The following IL20RB variants were observed in gnomAD, a reference collection of about 807,000 sequenced individuals.
IL20RB encodes the protein interleukin 20 receptor subunit beta.
In IL20RB, 21 loss-of-function variants were observed where a neutral mutation model predicts 33.3. The ratio of observed to expected loss-of-function variants is 0.63; its 90% confidence interval spans 0.45 to 0.91. IL20RB has a LOEUF of 0.91. Among genes scored for constraint, IL20RB ranks in the 40% least tolerant of loss-of-function variants. The pLI is 0.00. For synonymous variants in IL20RB, 147 were observed against 146.8 expected (o/e 1.00, Z -0.01); for missense variants, 345 against 384.8 (o/e 0.90, Z 0.86).
At chr3:136,987,081 C>G (rs1175456895) in intron 3 of IL20RB, among the ~76,000 whole-genome samples, 1 of 152,120 alleles carries the variant, frequency 6.6e-6, no homozygotes, top group East Asian at 1.9e-4. Flanking sequence ...AGATTTATTG[C>G]AAAGAGCGAA....
intron 1 of IL20RB, among the ~76,000 whole-genome samples, chr3:136,970,009 T>G (rs1941430247): frequency 6.6e-6 from 1 of 152,052 alleles, no homozygotes; most frequent in South Asian, 2.1e-4. Flanking sequence ...AGGTTTAGAT[T>G]GAGGTTTTGT....
chr3:136,977,946 A>T (rs1577017981), intron 1 of IL20RB, among the ~76,000 whole-genome samples: 1 of 151,984 alleles, frequency 6.6e-6, no homozygotes, highest in East Asian at 1.9e-4. Flanking sequence ...TCTTTTACTT[A>T]TTTTGCTTGC....
chr3:136,972,398 T>C (rs1191536844), intron 1 of IL20RB, among the ~76,000 whole-genome samples: 1 of 152,214 alleles, frequency 6.6e-6, no homozygotes, highest in Non-Finnish European at 1.5e-5. Flanking sequence ...TTCTTCTTTG[T>C]ATGTTTGGTA....
intron 6 of IL20RB, among the ~76,000 whole-genome samples, chr3:136,995,926 G>A (rs1189318911): frequency 6.6e-6 from 1 of 152,118 alleles, no homozygotes; most frequent in African/African-American, 2.4e-5. Context: ...TGTAACAGCA[G>A]CTACACCCAA....
At chr3:136,976,587 C>T (rs192328897) in intron 1 of IL20RB, among the ~76,000 whole-genome samples, 8 of 152,298 alleles carry the variant, frequency 5.3e-5, no homozygotes, top group African/African-American at 1.2e-4. Flanking sequence ...GTCTCAGCCC[C>T]GGCAGCACTC....
chr3:136,963,677 CTT>C (rs1246638077), intron 1 of IL20RB, among the ~76,000 whole-genome samples: 158 of 77,816 alleles, frequency 2.0e-3, no homozygotes, highest in Admixed American at 3.2e-3. Flanking sequence ...GATACTAGTT[CTT>C]TTTTTTTTTT....
At chr3:136,970,250 C>T (rs1158713450) in intron 1 of IL20RB, among the ~76,000 whole-genome samples, 1 of 151,938 alleles carries the variant, frequency 6.6e-6, no homozygotes, top group Non-Finnish European at 1.5e-5. Context: ...GAGACCACCA[C>T]CCCTGGCTAA....
At chr3:136,996,033 G>T (rs1380038023) in intron 6 of IL20RB, among the ~76,000 whole-genome samples, 1 of 152,194 alleles carries the variant, frequency 6.6e-6, no homozygotes, top group African/African-American at 2.4e-5. Context: ...ACTGTGTTTT[G>T]ATTTTGGTGG....
intron 3 of IL20RB, among the ~76,000 whole-genome samples, chr3:136,986,261 A>C (rs1941897099): frequency 4.4e-5 from 2 of 45,546 alleles, no homozygotes; most frequent in Non-Finnish European, 8.7e-5. Flanking sequence ...ATAAATAAAA[A>C]TAAAACAGGA....
At chr3:136,979,826 G>T (rs937253260) in intron 1 of IL20RB, among the ~76,000 whole-genome samples, 11 of 152,176 alleles carry the variant, frequency 7.2e-5, no homozygotes, top group Non-Finnish European at 1.5e-4. Flanking sequence ...CCTTGTTGAG[G>T]GACATGAAAC....
At chr3:136,987,488 C>T (rs933712683) in intron 3 of IL20RB, among the ~76,000 whole-genome samples, 6 of 152,340 alleles carry the variant, frequency 3.9e-5, no homozygotes, top group Non-Finnish European at 4.4e-5. Flanking sequence ...AAAGATTCTC[C>T]AAGGCCCCAC....
chr3:136,983,532 A>AGAT (rs1941832318), intron 3 of IL20RB, among the ~76,000 whole-genome samples: 1 of 152,208 alleles, frequency 6.6e-6, no homozygotes, highest in South Asian at 2.1e-4. Context: ...GATGGGAAGG[A>AGAT]GATGATGAAT....
At chr3:136,974,344 C>T (rs965957978) in intron 1 of IL20RB, among the ~76,000 whole-genome samples, 1 of 152,122 alleles carries the variant, frequency 6.6e-6, no homozygotes, top group Admixed American at 6.5e-5. Context: ...AACAAATTCC[C>T]TCAATATTCG....
intron 6 of IL20RB, among the ~76,000 whole-genome samples, chr3:136,998,472 G>T (rs1481345732): frequency 6.6e-6 from 1 of 151,534 alleles, no homozygotes; most frequent in Non-Finnish European, 1.5e-5. Flanking sequence ...TCCATCTGGT[G>T]TGGGCTTCCT....
At chr3:136,990,623 CT>C (rs1217221774) in intron 4 of IL20RB, among the ~76,000 whole-genome samples, 10 of 152,230 alleles carry the variant, frequency 6.6e-5, no homozygotes, top group African/African-American at 2.4e-4. Flanking sequence ...TCCAATTGGT[CT>C]TGCTCGTCTT....
chr3:136,980,297 T>C (rs950076714), intron 1 of IL20RB, 169 bp from the exon 2 acceptor site: 1 of 716,262 alleles, frequency 1.4e-6, no homozygotes, highest in Non-Finnish European at 2.4e-6. Flanking sequence ...GAGGCTTTTT[T>C]TTTTTTGAGA....
intron 6 of IL20RB, among the ~76,000 whole-genome samples, chr3:137,003,919 A>G (rs538471448): frequency 6.6e-6 from 1 of 152,268 alleles, no homozygotes; most frequent in East Asian, 1.9e-4. Context: ...AGCTCTTATT[A>G]TTTTGAGTTA....
intron 6 of IL20RB, among the ~76,000 whole-genome samples, chr3:136,998,093 T>C (rs915957664): frequency 6.6e-5 from 10 of 151,610 alleles, no homozygotes; most frequent in Non-Finnish European, 1.3e-4. Flanking sequence ...AATATAATGA[T>C]TGATATGGTT....
rs775182552 is a variant in IL20RB, at chr3:136,958,155, T to G, written c.42T>G (p.Ser14Arg). The change falls in exon 1 of 7, where the codon AGT (serine) becomes AGG (arginine). Residue 14 changes from serine (S) to arginine (R), a missense_variant. Transcript: ENST00000329582. ...FTMVLEEIWT[S>R]LFMWFFYALI... ...TGGTTCTAGAAGAAATCTGGACAAGTCTTTTCATGTGGTTTTTCTACGCAT... is the reference window on the plus strand; with the variant it reads ...TGGTTCTAGAAGAAATCTGGACAAGGCTTTTCATGTGGTTTTTCTACGCAT... 2 of 1,612,252 alleles carry G rather than the reference T, an allele frequency of 1.2e-6. No individual in the cohort carries two copies. The highest frequency in any genetic ancestry group is 1.7e-5 in the Admixed American group (1 of 60,002).
Sources: gnomAD v4.1 joint callset for allele counts (sites outside exome capture counted in the v4.1 genomes callset) on GRCh38, gnomAD v4.1.1 for gene constraint, MANE v1.5 for transcripts, NCBI Gene and HGNC (gene_info 2026-07-23, HGNC 2026-07-21) for gene names.